The following RBFOX1 variants were observed in gnomAD, a reference collection of about 807,000 sequenced individuals.
RBFOX1 encodes RNA binding fox-1 homolog 1, also known as RNA binding protein fox-1 homolog 1.
In RBFOX1, 8 loss-of-function variants were observed where a neutral mutation model predicts 57.7. The ratio of observed to expected loss-of-function variants is 0.14; its 90% confidence interval spans 0.08 to 0.25. The LOEUF is 0.25. Ranked by LOEUF, RBFOX1 falls within the 10% of genes least tolerant of loss-of-function variation. The pLI, the probability that RBFOX1 is intolerant of heterozygous loss-of-function variation, is 1.00. For synonymous variants in RBFOX1, 326 were observed against 222.4 expected, an observed-to-expected ratio of 1.47 and a Z score of -4.15; for missense variants, 611 against 548.5, an observed-to-expected ratio of 1.11 and a Z score of -1.14.
At chr16:6,959,666 A>G (rs546305786) in intron 3 of RBFOX1, among the ~76,000 whole-genome samples, 1 of 152,184 alleles carries the variant, frequency 6.6e-6, no homozygotes, top group Non-Finnish European at 1.5e-5. Context: ...GCTGGGCGTA[A>G]TGGCTCACAT....
chr16:7,667,090 C>G lies in RBFOX1; in HGVS notation c.930+2122C>G, dbSNP rs569309290. Among the ~76,000 whole-genome samples the G allele has an allele frequency of 2.6e-5, 4 of 152,308 alleles. No homozygotes were observed. The East Asian group carries it at 7.7e-4, about 29-fold the overall frequency. On this transcript the variant is annotated intron_variant, in intron 13 of 15. Transcript: ENST00000550418. Reference sequence around the variant, plus strand: ...AGTGGGGGAGCATCACATATGCAATCAGGTGGCAGAAAAAGTTCCTGCAAT... The same window carrying G: ...AGTGGGGGAGCATCACATATGCAATGAGGTGGCAGAAAAAGTTCCTGCAAT...
intron 2 of RBFOX1, among the ~76,000 whole-genome samples, chr16:6,387,351 G>A (rs894989353): frequency 6.6e-5 from 10 of 151,688 alleles, no homozygotes; most frequent in Admixed American, 5.3e-4. Context: ...GCCTGCTGTT[G>A]TTCTCATTGG....
At chr16:7,657,202 T>C (rs535362378) in intron 12 of RBFOX1, among the ~76,000 whole-genome samples, 43 of 152,212 alleles carry the variant, frequency 2.8e-4, no homozygotes, top group Admixed American at 2.0e-4. Flanking sequence ...AGGATCTCCA[T>C]GGCTACCTTT....
At position 7,207,546 on chromosome 16, in the gene RBFOX1, C is replaced by T. The variant is rs893207474; in HGVS notation, c.27+155448C>T. Among the ~76,000 whole-genome samples the T allele has an allele frequency of 5.3e-5, 8 of 152,198 alleles. No individual in the cohort carries two copies. In the East Asian group the frequency reaches 9.6e-4, roughly 18 times the overall value. ...CCAGTGAATATTGACAGAATGAAGA[C>T]GTGATTGGATTAACGACTGATCTTG... On this transcript the variant is annotated intron_variant, in intron 4 of 15. Coordinates refer to ENST00000550418, the MANE Select transcript of RBFOX1 (RefSeq NM_018723.4).
exon 3 of RBFOX1, chr16:5,598,973 C>G (rs1014732004): frequency 6.6e-7 from 1 of 1,523,120 alleles, no homozygotes; most frequent in Non-Finnish European, 8.8e-7. Context: ...TAAGTAGAAG[C>G]ATTTTGCTGA....
chr16:7,352,063 G>C (rs765628013), intron 4 of RBFOX1, among the ~76,000 whole-genome samples: 2 of 152,100 alleles, frequency 1.3e-5, no homozygotes, highest in Non-Finnish European at 2.9e-5. Flanking sequence ...AATATGTCAC[G>C]CTGTAGGCAT....
At chr16:7,526,885 C>G (rs959965941) in intron 5 of RBFOX1, among the ~76,000 whole-genome samples, 33 of 152,302 alleles carry the variant, frequency 2.2e-4, no homozygotes, top group African/African-American at 7.9e-4. Context: ...ACAGGCATGT[C>G]AGACCAAAAT....
At chr16:6,622,549 T>C (rs1567925064) in intron 2 of RBFOX1, among the ~76,000 whole-genome samples, 1 of 152,086 alleles carries the variant, frequency 6.6e-6, no homozygotes, top group African/African-American at 2.4e-5. Flanking sequence ...AAGGATGAAA[T>C]CACCTAACGA....
intron 1 of RBFOX1, among the ~76,000 whole-genome samples, chr16:5,300,602 G>C (rs527578495): frequency 6.6e-6 from 1 of 152,210 alleles, no homozygotes; most frequent in African/African-American, 2.4e-5. Flanking sequence ...TTAAAGATTT[G>C]ATGAAATTTG....
chr16:6,669,537 A>T (rs1347332070), intron 3 of RBFOX1, among the ~76,000 whole-genome samples: 2 of 152,214 alleles, frequency 1.3e-5, no homozygotes, highest in Non-Finnish European at 2.9e-5. Context: ...TTTAAGATAT[A>T]CAGCTTGACG....
chr16:5,389,192 A>AAAATAAATAAAT (rs34759657), intron 1 of RBFOX1, among the ~76,000 whole-genome samples: 1,845 of 150,100 alleles, frequency 0.012, 38 homozygotes, highest in African/African-American at 0.043. Flanking sequence ...CTCCGTCTCA[A>AAAATAAATAAAT]AAATAAATAA....
chr16:6,169,858 G>A (rs1040348997), intron 1 of RBFOX1, among the ~76,000 whole-genome samples: 2 of 142,238 alleles, frequency 1.4e-5, no homozygotes, highest in Admixed American at 7.3e-5. Flanking sequence ...TCTGCCACCT[G>A]GGTTCAAGTG....
chr16:7,139,194 GTGTA>G (rs1348489654), intron 4 of RBFOX1, among the ~76,000 whole-genome samples: 4 of 149,890 alleles, frequency 2.7e-5, no homozygotes, highest in East Asian at 1.9e-4. Context: ...GTGTGTGTGT[GTGTA>G]TGTGTGTGTG....
intron 3 of RBFOX1, among the ~76,000 whole-genome samples, chr16:6,921,294 T>C (rs1294991299): frequency 6.6e-6 from 1 of 152,202 alleles, no homozygotes; most frequent in South Asian, 2.1e-4. Context: ...ACAATTTAGC[T>C]GTGTCCTTTG....
chr16:6,263,983 A>AT (rs745865386), intron 1 of RBFOX1, among the ~76,000 whole-genome samples: 60 of 151,392 alleles, frequency 4.0e-4, no homozygotes, highest in Non-Finnish European at 3.0e-4. Flanking sequence ...GGGCTAAAAC[A>AT]TTTTTTTTTA....
intron 1 of RBFOX1, among the ~76,000 whole-genome samples, chr16:5,268,171 C>G (rs180905230): frequency 6.6e-6 from 1 of 152,252 alleles, no homozygotes; most frequent in Admixed American, 6.5e-5. Flanking sequence ...GGGCAAGCAC[C>G]TTGATCGGCT....
At chr16:7,177,630 A>T (rs919772178) in intron 4 of RBFOX1, among the ~76,000 whole-genome samples, 2 of 152,154 alleles carry the variant, frequency 1.3e-5, no homozygotes, top group African/African-American at 4.8e-5. Context: ...TATCTGAGCA[A>T]ATTGCATTAT....
intron 3 of RBFOX1, among the ~76,000 whole-genome samples, chr16:7,006,092 A>G (rs1414545606): frequency 2.0e-5 from 3 of 152,182 alleles, no homozygotes; most frequent in South Asian, 4.1e-4. Flanking sequence ...TTGTTCAAAT[A>G]CAGGTGTACA....
intron 3 of RBFOX1, among the ~76,000 whole-genome samples, chr16:5,756,905 G>C (rs779631288): frequency 1.3e-5 from 2 of 151,978 alleles, no homozygotes; most frequent in Non-Finnish European, 2.9e-5. Flanking sequence ...AAAATATAAG[G>C]GTTCTACAAG....
Sources: gnomAD v4.1 joint callset for allele counts (sites outside exome capture counted in the v4.1 genomes callset) on GRCh38, gnomAD v4.1.1 for gene constraint, MANE v1.5 for transcripts, NCBI Gene and HGNC (gene_info 2026-07-23, HGNC 2026-07-21) for gene names.